The following TRIQK variants were observed in gnomAD, a reference collection of about 807,000 sequenced individuals.
The protein encoded by TRIQK is triple QxxK/R motif-containing protein.
Under a neutral mutation model 10.8 loss-of-function variants are expected in TRIQK, and 10 were observed. The ratio of observed to expected loss-of-function variants is 0.92; its 90% CI spans 0.57 to 1.57. TRIQK has a LOEUF of 1.57. TRIQK is among the 40% of genes most tolerant of loss of function. The probability of loss-of-function intolerance (pLI) is 0.00; values close to 1 mark genes in which losing one functional copy is unlikely to be tolerated. For synonymous variants in TRIQK, 33 were observed against 33.7 expected (o/e 0.98, Z 0.07); for missense variants, 107 against 97.7 (o/e 1.09, Z -0.40).
At chr8:92,902,786 A>G (rs1586389098) in intron 3 of TRIQK, among the ~76,000 whole-genome samples, 2 of 152,172 alleles carry the variant, frequency 1.3e-5, no homozygotes, top group South Asian at 4.1e-4. Flanking sequence ...TGTTTTCATT[A>G]AGGTCTAACT....
intron 3 of TRIQK, among the ~76,000 whole-genome samples, chr8:92,898,334 G>A (rs1485528095): frequency 1.3e-5 from 2 of 152,034 alleles, no homozygotes; most frequent in East Asian, 1.9e-4. Context: ...CTACGCTAAC[G>A]TTTTCCGTAA....
At chr8:92,913,690 T>C (rs1809683984) in intron 3 of TRIQK, among the ~76,000 whole-genome samples, 2 of 152,156 alleles carry the variant, frequency 1.3e-5, no homozygotes, top group African/African-American at 4.8e-5. Flanking sequence ...TGAAGCACTA[T>C]TTAAAATAGC....
chr8:92,932,973 C>T (rs951785048), intron 2 of TRIQK, among the ~76,000 whole-genome samples: 5 of 152,034 alleles, frequency 3.3e-5, no homozygotes, highest in Non-Finnish European at 7.4e-5. Flanking sequence ...CCTGCTCCTG[C>T]CCTGGGACCT....
intron 1 of TRIQK, among the ~76,000 whole-genome samples, chr8:92,977,509 T>G (rs1338388135): frequency 3.3e-5 from 5 of 152,108 alleles, no homozygotes; most frequent in Non-Finnish European, 7.4e-5. Flanking sequence ...AAATTGGTAC[T>G]TTTTAATACC....
At chr8:93,001,538 A>G (rs1470137867) in intron 1 of TRIQK, among the ~76,000 whole-genome samples, 5 of 152,182 alleles carry the variant, frequency 3.3e-5, no homozygotes, top group Non-Finnish European at 7.3e-5. Flanking sequence ...AAAGAAGACA[A>G]TGAAGGTCAC....
intron 3 of TRIQK, among the ~76,000 whole-genome samples, chr8:92,896,820 C>CTT (rs554330610): frequency 7.1e-6 from 1 of 141,056 alleles, no homozygotes; most frequent in Non-Finnish European, 1.6e-5. Flanking sequence ...CTTTTTCTTT[C>CTT]TTTTTTTTTT....
intron 1 of TRIQK, among the ~76,000 whole-genome samples, chr8:93,010,434 C>T (rs988426632): frequency 6.6e-6 from 1 of 151,588 alleles, no homozygotes; most frequent in Non-Finnish European, 1.5e-5. Context: ...GTAGTCAAAG[C>T]ATAAGAAGTA....
intron 3 of TRIQK, among the ~76,000 whole-genome samples, chr8:92,900,959 T>G (rs1808903740): frequency 6.6e-6 from 1 of 152,152 alleles, no homozygotes; most frequent in Admixed American, 6.6e-5. Context: ...TTAACTTATT[T>G]GCTTAAGTTT....
At chr8:92,987,060 GT>G (rs1813040260) in intron 1 of TRIQK, among the ~76,000 whole-genome samples, 2 of 152,292 alleles carry the variant, frequency 1.3e-5, no homozygotes, top group Middle Eastern at 3.4e-3. Context: ...AATTTGAAAT[GT>G]AAATTGTCTT....
chr8:92,990,344 C>G (rs550363600), intron 1 of TRIQK, among the ~76,000 whole-genome samples: 1 of 152,152 alleles, frequency 6.6e-6, no homozygotes, highest in Non-Finnish European at 1.5e-5. Context: ...TGTGATGCTC[C>G]TTTTTCATTT....
intron 1 of TRIQK, chr8:92,965,533 G>C (rs1477913110): frequency 2.0e-5 from 3 of 152,350 alleles, no homozygotes; most frequent in Non-Finnish European, 4.4e-5. Context: ...AAAAGGGAAC[G>C]GCAGAACCCA....
At chr8:92,988,395 A>C (rs571905861) in intron 1 of TRIQK, among the ~76,000 whole-genome samples, 3 of 152,206 alleles carry the variant, frequency 2.0e-5, no homozygotes, top group African/African-American at 7.2e-5. Context: ...ATTAAATGAA[A>C]AGAAAAGTAT....
At chr8:92,898,536 G>T (rs368559660) in intron 3 of TRIQK, among the ~76,000 whole-genome samples, 9 of 151,872 alleles carry the variant, frequency 5.9e-5, no homozygotes, top group Non-Finnish European at 1.3e-4. Flanking sequence ...TGTTCTCACT[G>T]GCTTTATATA....
intron 2 of TRIQK, chr8:92,926,426 A>T (rs1249508059): frequency 6.6e-6 from 1 of 152,196 alleles, no homozygotes; most frequent in Non-Finnish European, 1.5e-5. Flanking sequence ...AAATACAAGG[A>T]AGGAGACAGA....
chr8:92,964,464 C>CTATATATATA (rs71563502), intron 1 of TRIQK, among the ~76,000 whole-genome samples: 3 of 142,332 alleles, frequency 2.1e-5, no homozygotes, highest in African/African-American at 7.7e-5. Flanking sequence ...ATATATATAT[C>CTATATATATA]TATATATATA....
chr8:92,969,160 A>G (rs189437717), upstream of TRIQK, among the ~76,000 whole-genome samples: 12 of 152,198 alleles, frequency 7.9e-5, no homozygotes, highest in East Asian at 1.2e-3. Flanking sequence ...ACTGGTCTAT[A>G]TATCTGTTTT....
At chr8:92,980,332 T>C (rs1255039175) in intron 1 of TRIQK, among the ~76,000 whole-genome samples, 1 of 152,044 alleles carries the variant, frequency 6.6e-6, no homozygotes, top group Non-Finnish European at 1.5e-5. Flanking sequence ...TAATACTTTA[T>C]GTTTTTGCAT....
intron 1 of TRIQK, among the ~76,000 whole-genome samples, chr8:93,003,887 T>C (rs1404036144): frequency 6.6e-6 from 1 of 152,200 alleles, no homozygotes; most frequent in African/African-American, 2.4e-5. Flanking sequence ...TGACTGTATG[T>C]CTCACATCCA....
At chr8:92,896,386 C>A (rs1808600539) in intron 3 of TRIQK, among the ~76,000 whole-genome samples, 1 of 152,176 alleles carries the variant, frequency 6.6e-6, no homozygotes, top group Non-Finnish European at 1.5e-5. Flanking sequence ...GCCTGGGGAC[C>A]CAGGCAGAAA....
Sources: allele counts gnomAD v4.1 joint callset (sites outside exome capture counted in the v4.1 genomes callset), GRCh38; gene constraint gnomAD v4.1.1; transcripts MANE v1.5; gene names NCBI Gene and HGNC (gene_info 2026-07-23, HGNC 2026-07-21).